CNGB3: variants seen among roughly 807,000 people sequenced by gnomAD.
CNGB3 encodes cyclic nucleotide-gated channel beta-3.
In CNGB3, 86 loss-of-function variants were observed where a neutral mutation model predicts 92.8. The observed-to-expected ratio is 0.93, with a 90% confidence interval of 0.78 to 1.11. The LOEUF (loss-of-function observed/expected upper bound fraction) is 1.11. CNGB3 is among the 50% of genes least tolerant of loss of function. CNGB3 has a pLI of 0.00. For synonymous variants in CNGB3, 333 were observed against 332.7 expected (o/e 1.00, Z -0.01); for missense variants, 1,026 against 956.8 (o/e 1.07, Z -0.95).
intron 13 of CNGB3, among the ~76,000 whole-genome samples, chr8:86,624,053 T>A (rs753793728): frequency 4.6e-5 from 7 of 152,202 alleles, no homozygotes; most frequent in Non-Finnish European, 8.8e-5. Flanking sequence ...AAAGATCCTG[T>A]TCAAACTGGT....
chr8:86,600,776 ATTTTTTTTTTTT>A (rs533111246), intron 15 of CNGB3, among the ~76,000 whole-genome samples: 5 of 38,426 alleles, frequency 1.3e-4, no homozygotes, highest in South Asian at 1.2e-3. Context: ...CGCTCGGCTA[ATTTTTTTTTTTT>A]TTTTTTTTTT....
Position 86,742,813 on chromosome 8 carries a change from C to A in CNGB3, c.129+686G>T, listed in dbSNP as rs953635084. Among the ~76,000 whole-genome samples, 8 of 152,142 alleles carry A rather than the reference C, an allele frequency of 5.3e-5. No individual in the cohort carries two copies. In the East Asian group the frequency reaches 1.5e-3, roughly 29 times the overall value. ...CCATGTGCTTTATATATTACTGTCT[C>A]TAGTTCTCATAACAAAGCAGAAATT... On this transcript the variant is annotated intron_variant, in intron 1 of 17. Transcript: ENST00000320005.
Position 86,617,153 on chromosome 8 carries a change from T to C in CNGB3, c.1579-5482A>G, listed in dbSNP as rs111267899. On this transcript the variant is annotated intron_variant, in intron 13 of 17. Transcript: ENST00000320005. ...ATTCACAACAGAGCCATAGGTTAGATGGTGGTTCTTGTACCCAGGAAATTC... is the reference window on the plus strand; with the variant it reads ...ATTCACAACAGAGCCATAGGTTAGACGGTGGTTCTTGTACCCAGGAAATTC... 5.2e-3 allele frequency among the ~76,000 whole-genome samples: 799 copies of C among 152,332 alleles called. 7 individuals are homozygous for C. The highest frequency in any genetic ancestry group is 0.018 in the African/African-American group (732 of 41,572).
chr8:86,600,613 T>TC (rs896976601), intron 15 of CNGB3, among the ~76,000 whole-genome samples: 1 of 149,762 alleles, frequency 6.7e-6, no homozygotes, highest in African/African-American at 2.5e-5. Context: ...CTTTTTTTTT[T>TC]CTTTTTTTTT....
chr8:86,729,631 A>C (rs1448615743), intron 2 of CNGB3, among the ~76,000 whole-genome samples: 2 of 152,240 alleles, frequency 1.3e-5, no homozygotes, highest in African/African-American at 4.8e-5. Context: ...CAGAACAACA[A>C]CTTAAAAAAC....
At chr8:86,597,578 G>A (rs1822200207) in intron 15 of CNGB3, among the ~76,000 whole-genome samples, 2 of 152,106 alleles carry the variant, frequency 1.3e-5, no homozygotes, top group Non-Finnish European at 2.9e-5. Flanking sequence ...TGGTAAAAGG[G>A]TGGGGAAAGC....
At chr8:86,687,616 G>T (rs567704088) in intron 3 of CNGB3, among the ~76,000 whole-genome samples, 1 of 152,002 alleles carries the variant, frequency 6.6e-6, no homozygotes, top group Non-Finnish European at 1.5e-5. Flanking sequence ...GACAGAGGTG[G>T]CAGTTGCGCA....
intron 15 of CNGB3, among the ~76,000 whole-genome samples, chr8:86,586,844 A>G (rs1364376652): frequency 1.5e-5 from 2 of 135,128 alleles, no homozygotes; most frequent in African/African-American, 6.2e-5. Context: ...TCCTTTGGGT[A>G]TATACCCAGT....
At chr8:86,636,170 T>G (rs931464249) in intron 10 of CNGB3, among the ~76,000 whole-genome samples, 3 of 152,104 alleles carry the variant, frequency 2.0e-5, no homozygotes, top group African/African-American at 4.8e-5. Context: ...TTCAAAATAA[T>G]TTCTAGACAG....
Position 86,724,389 on chromosome 8 carries a change from T to C in CNGB3, c.338+2142A>G, listed in dbSNP as rs1184401405. On this transcript the variant is annotated intron_variant, in intron 3 of 17. Coordinates refer to ENST00000320005, the MANE Select transcript of CNGB3 (RefSeq NM_019098.5). ...GGAATGGGAAGACTTGGAGAGTCAC[T>C]TGTGTCTTGCTCTCCTCCTGGAGAA... is the stretch of plus-strand genomic sequence containing the variant. Among the ~76,000 whole-genome samples the C allele has an allele frequency of 3.3e-5, 5 of 152,290 alleles. No homozygotes were observed. In the East Asian group the frequency reaches 9.7e-4, roughly 29 times the overall value.
At chr8:86,618,739 A>G (rs1335896242) in intron 13 of CNGB3, among the ~76,000 whole-genome samples, 1 of 152,254 alleles carries the variant, frequency 6.6e-6, no homozygotes, top group Non-Finnish European at 1.5e-5. Context: ...AGTTGGTAGA[A>G]ATGAAACACA....
At chr8:86,645,163 C>T (rs749922952) in intron 8 of CNGB3, among the ~76,000 whole-genome samples, 2 of 151,180 alleles carry the variant, frequency 1.3e-5, no homozygotes, top group Non-Finnish European at 3.0e-5. Context: ...ATTTAAAGTT[C>T]AGTAAGTATT....
chr8:86,647,820 C>T lies in CNGB3; in HGVS notation c.971G>A (p.Arg324Lys). 3 of 1,560,334 alleles carry T rather than the reference C, an allele frequency of 1.9e-6. No homozygotes were observed. The highest frequency in any genetic ancestry group is 2.6e-6 in the Non-Finnish European group (3 of 1,132,184). ...YLFFGFNPMF[R>K]ANRMLKYTSF... Reference sequence around the variant, plus strand: ...TCTTACCTTTAACATCCTATTTGCTCTAAACATTGGATTAAACCCAAAGAA... The same window carrying T: ...TCTTACCTTTAACATCCTATTTGCTTTAAACATTGGATTAAACCCAAAGAA... Residue 324 changes from arginine to lysine, a missense_variant, in exon 8 of 18, where the codon AGA becomes AAA. Transcript: ENST00000320005.
rs1027605777 is a variant in CNGB3, at chr8:86,694,968, C to T, written c.339-23870G>A. On this transcript the variant is annotated intron_variant, in intron 3 of 17. Transcript: ENST00000320005. ...GCAGGCGGCTGGGAGGTGGTTGTAG[C>T]GAGCCGAGATCACGCCACTGCACTC... Among the ~76,000 whole-genome samples the T allele has an allele frequency of 1.4e-4, 21 of 152,250 alleles. No individual in the cohort carries two copies. The East Asian group carries it at 1.9e-3, about 14-fold the overall frequency.
intron 4 of CNGB3, among the ~76,000 whole-genome samples, chr8:86,670,233 C>G (rs543200669): frequency 4.6e-5 from 7 of 152,248 alleles, no homozygotes; most frequent in African/African-American, 1.7e-4. Flanking sequence ...TGTTGATGTC[C>G]TTTGCTCTCT....
At chr8:86,680,089 G>A (rs112330784) in intron 3 of CNGB3, among the ~76,000 whole-genome samples, 78 of 152,302 alleles carry the variant, frequency 5.1e-4, no homozygotes, top group African/African-American at 1.5e-3. Context: ...GGAAGCTCAA[G>A]TGGACTAACC....
chr8:86,626,020 A>T lies in CNGB3; in HGVS notation c.1541T>A (p.Val514Glu), dbSNP rs1339845380. 6.2e-7 allele frequency: 1 copy of T among 1,613,890 alleles called. No individual in the cohort carries two copies. Among genetic ancestry groups the T allele is most frequent in the Admixed American group, 1.7e-5 (1 of 59,992 alleles). ...TTVQLALAID[V>E]NFSIISKVDL... ...GACTTTGCTGATGATGCTGAAGTTC[A>T]CATCAATGGCGAGGGCTAACTGGAC... is the stretch of plus-strand genomic sequence containing the variant. Residue 514 changes from valine to glutamate, a missense_variant, in exon 13 of 18, where the codon GTG becomes GAG. By Grantham distance (121) the Val-to-Glu change is moderately radical (BLOSUM62 -2). Coordinates refer to ENST00000320005, the MANE Select transcript of CNGB3 (RefSeq NM_019098.5).
chr8:86,658,087 G>C (rs3779799), intron 6 of CNGB3: 216,123 of 520,204 alleles, frequency 0.42, 46,819 homozygotes, highest in East Asian at 0.59. Context: ...CTGCAGGGCC[G>C]GGTGGGCCTC....
intron 3 of CNGB3, among the ~76,000 whole-genome samples, chr8:86,693,507 G>C (rs1824362428): frequency 2.0e-5 from 3 of 149,572 alleles, no homozygotes; most frequent in African/African-American, 7.4e-5. Context: ...GGATTTGGCA[G>C]GGTCATAGGA....
Sources: allele counts gnomAD v4.1 joint callset (sites outside exome capture counted in the v4.1 genomes callset), GRCh38; gene constraint gnomAD v4.1.1; transcripts MANE v1.5; gene names NCBI Gene and HGNC (gene_info 2026-07-23, HGNC 2026-07-21).